Variants in CGNL1 observed in about 807,000 individuals in gnomAD.
CGNL1 encodes the protein cingulin-like protein 1.
Under a neutral mutation model 141.2 loss-of-function variants are expected in CGNL1, and 132 were observed. The ratio of observed to expected loss-of-function variants is 0.93; its 90% CI spans 0.81 to 1.08. The LOEUF is 1.08. CGNL1 is among the 50% of genes least tolerant of loss of function. CGNL1 has a pLI of 0.00. For missense variants in CGNL1, 1,870 were observed against 1,588.6 expected, an observed-to-expected ratio of 1.18 and a Z score of -3.01; for synonymous variants, 690 against 622.1, an observed-to-expected ratio of 1.11 and a Z score of -1.63.
At chr15:57,530,274 G>A (rs766299956) in intron 13 of CGNL1, among the ~76,000 whole-genome samples, 2 of 152,298 alleles carry the variant, frequency 1.3e-5, no homozygotes, top group Non-Finnish European at 2.9e-5. Context: ...TCCTTTGGCC[G>A]ACTTAGGTCT....
intron 7 of CGNL1, among the ~76,000 whole-genome samples, chr15:57,456,753 C>A (rs998628667): frequency 1.3e-5 from 2 of 152,068 alleles, no homozygotes; most frequent in East Asian, 3.9e-4. Flanking sequence ...TCGCTAAGTG[C>A]CACGATGGTG....
rs556687873 is a variant in CGNL1, at chr15:57,380,984, G to A, written c.-16+4417G>A. On this transcript the variant is annotated intron_variant, in intron 1 of 18. Transcript: ENST00000281282. ...AGACATTGGTTCCTCATCATACCAT[G>A]GTTGCTGTAGCTCAGGCTTCCTTGG... 1.4e-4 allele frequency among the ~76,000 whole-genome samples: 22 copies of A among 152,336 alleles called. No individual in the cohort carries two copies. The South Asian group carries it at 4.6e-3, about 32-fold the overall frequency.
chr15:57,547,872 A>C lies in CGNL1; in HGVS notation c.*382A>C, dbSNP rs2032950663. 5.3e-6 allele frequency: 1 copy of C among 189,990 alleles called. No individual in the cohort carries two copies. The highest frequency in any genetic ancestry group is 1.5e-4 in the East Asian group (1 of 6,712). The allele number at this position is 189,990 out of a possible 1,614,324, so 11.8% of individuals were successfully genotyped here. ...ACTTACTTAATAGCACTGTGCAGGGAGGAAACCATGTATAGCTTGTACATA... is the reference window on the plus strand; with the variant it reads ...ACTTACTTAATAGCACTGTGCAGGGCGGAAACCATGTATAGCTTGTACATA... On this transcript the variant is annotated 3_prime_UTR_variant, in exon 19 of 19. Transcript: ENST00000281282.
rs1366640200 is a variant in CGNL1, at chr15:57,461,770, A to T, written c.2281A>T (p.Thr761Ser). 6.2e-7 allele frequency: 1 copy of T among 1,614,132 alleles called. No individual in the cohort carries two copies. Among genetic ancestry groups the T allele is most frequent in the Non-Finnish European group, 8.5e-7 (1 of 1,180,012 alleles). Residue 761 changes from threonine (T) to serine (S), a missense_variant, in exon 8 of 19, where the codon ACC becomes TCC. Thr to Ser is a moderately conservative substitution (Grantham distance 58). Coordinates refer to ENST00000281282, the MANE Select transcript of CGNL1 (RefSeq NM_032866.5). ...CTTGAGAAAGCGAGAGCGTGAACTC[A>T]CCGCCCTGAAGGGAGCCCTGAAAGA... ...DLLRKRERELTALKGALKEEV... is the reference protein window; with the variant it reads ...DLLRKRERELSALKGALKEEV...
chr15:57,544,832 T>G (rs1473293510), intron 16 of CGNL1, among the ~76,000 whole-genome samples: 3 of 152,178 alleles, frequency 2.0e-5, no homozygotes, highest in Admixed American at 2.0e-4. Flanking sequence ...GGGTAAAAGT[T>G]TAGGACCCCC....
intron 10 of CGNL1, among the ~76,000 whole-genome samples, chr15:57,519,196 CCTT>C (rs538361769): frequency 1.2e-4 from 18 of 152,162 alleles, no homozygotes; most frequent in Non-Finnish European, 2.2e-4. Flanking sequence ...GCAGGTGTGT[CCTT>C]CTCCTATTGG....
intron 1 of CGNL1, among the ~76,000 whole-genome samples, chr15:57,409,552 C>T (rs1706377): frequency 1.3e-5 from 2 of 151,892 alleles, no homozygotes; most frequent in African/African-American, 4.8e-5. Context: ...GCCATGGTGT[C>T]GGGATGGAGA....
chr15:57,384,532 T>C (rs923045667), intron 1 of CGNL1, among the ~76,000 whole-genome samples: 1 of 152,210 alleles, frequency 6.6e-6, no homozygotes, highest in African/African-American at 2.4e-5. Context: ...GCCTGGATGC[T>C]GCACCTGCTC....
Position 57,439,552 on chromosome 15 carries a change from G to C in CGNL1, c.1553G>C (p.Gly518Ala). The change falls in exon 2 of 19, where the codon GGT becomes GCT. Residue 518 changes from glycine to alanine, a missense_variant. By Grantham distance (60) the Gly-to-Ala change is moderately conservative (BLOSUM62 0). Transcript: ENST00000281282. ...GCAACAGCAACTTCGCCTGATTCTG[G>C]TGCCAAGAAAATTTCCGTGAAGACA... The part of the protein sequence containing the change: ...NRATATSPDS[G>A]AKKISVKTFP... 6.2e-7 allele frequency: 1 copy of C among 1,614,008 alleles called. No homozygotes were observed. The highest frequency in any genetic ancestry group is 8.5e-7 in the Non-Finnish European group (1 of 1,180,014).
At chr15:57,524,059 A>C (rs1254572021) in intron 11 of CGNL1, among the ~76,000 whole-genome samples, 1 of 152,186 alleles carries the variant, frequency 6.6e-6, no homozygotes, top group Non-Finnish European at 1.5e-5. Context: ...CATACCCAGA[A>C]GGGGTAAAGG....
chr15:57,419,085 C>G (rs756192168), intron 1 of CGNL1, among the ~76,000 whole-genome samples: 1 of 152,136 alleles, frequency 6.6e-6, no homozygotes. Flanking sequence ...GCATGCGCCA[C>G]CACGCCCGGC....
intron 8 of CGNL1, among the ~76,000 whole-genome samples, chr15:57,471,278 C>T (rs932015038): frequency 2.6e-5 from 4 of 152,292 alleles, no homozygotes; most frequent in Non-Finnish European, 5.9e-5. Context: ...GATTTAGCAG[C>T]TGCTATTCTG....
At chr15:57,502,265 G>A (rs184538265) in intron 8 of CGNL1, among the ~76,000 whole-genome samples, 10 of 152,292 alleles carry the variant, frequency 6.6e-5, no homozygotes, top group Admixed American at 2.6e-4. Context: ...TGGTCTCAGT[G>A]ATATTGTAGG....
intron 8 of CGNL1, among the ~76,000 whole-genome samples, chr15:57,500,154 G>A (rs940909999): frequency 7.2e-5 from 11 of 152,152 alleles, no homozygotes; most frequent in African/African-American, 2.7e-4. Flanking sequence ...AGTGTGAGAT[G>A]TTTTCCTTCA....
intron 8 of CGNL1, among the ~76,000 whole-genome samples, chr15:57,512,121 A>G (rs562504965): frequency 6.6e-6 from 1 of 152,284 alleles, no homozygotes; most frequent in Admixed American, 6.5e-5. Context: ...ATGAGACACA[A>G]AGTCTCATCT....
Position 57,516,932 on chromosome 15 carries a change from C to T in CGNL1, c.2556C>T (p.Ile852=), listed in dbSNP as rs778893351. ...GAGTTGCTCAGCTTCAAAGGCAGAT[C>T]GAGGACCTGAAAGGCGATGAAGCCA... is the stretch of plus-strand genomic sequence containing the variant. ...ERRVAQLQRQ[I]EDLKGDEAKA... Residue 852 remains isoleucine (I), a synonymous_variant, in exon 9 of 19, where the codon ATC becomes ATT. Transcript: ENST00000281282. 15 of 1,613,436 alleles carry T rather than the reference C, an allele frequency of 9.3e-6. No individual in the cohort carries two copies. The highest frequency in any genetic ancestry group is 1.7e-4 in the Middle Eastern group (1 of 5,990).
chr15:57,501,190 T>C (rs1346046152), intron 8 of CGNL1, among the ~76,000 whole-genome samples: 1 of 152,138 alleles, frequency 6.6e-6, no homozygotes, highest in Non-Finnish European at 1.5e-5. Flanking sequence ...TGGTGTGGTT[T>C]TCAGCCTGTG....
chr15:57,442,210 A>G (rs1171580578), intron 3 of CGNL1, among the ~76,000 whole-genome samples, 163 bp from the exon 4 acceptor site: 5 of 147,928 alleles, frequency 3.4e-5, no homozygotes, highest in African/African-American at 7.5e-5. Context: ...AAAAGACACC[A>G]TCCATCCTAC....
intron 1 of CGNL1, among the ~76,000 whole-genome samples, chr15:57,386,538 G>A (rs896822271): frequency 5.3e-5 from 8 of 152,146 alleles, no homozygotes; most frequent in African/African-American, 1.4e-4. Flanking sequence ...TGTGTGATTC[G>A]GGAAGCAGTG....
Sources: gnomAD v4.1 joint callset for allele counts (sites outside exome capture counted in the v4.1 genomes callset) on GRCh38, gnomAD v4.1.1 for gene constraint, MANE v1.5 for transcripts, NCBI Gene and HGNC (gene_info 2026-07-23, HGNC 2026-07-21) for gene names.